DLGAP2: variants seen among roughly 807,000 people sequenced by gnomAD.
The protein encoded by DLGAP2 is DLG associated protein 2, also known as disks large-associated protein 2.
A neutral mutation model predicts 100.3 loss-of-function variants in DLGAP2; 26 were observed. The observed-to-expected ratio is 0.26, with a 90% CI of 0.19 to 0.36. DLGAP2 has a LOEUF of 0.36. DLGAP2 is among the 10% of genes least tolerant of loss of function. The pLI, the probability that DLGAP2 is intolerant of heterozygous loss-of-function variation, is 1.00. For synonymous variants in DLGAP2, 886 were observed against 630.1 expected, an observed-to-expected ratio of 1.41 and a Z score of -6.08; for missense variants, 1,858 against 1,453.2, an observed-to-expected ratio of 1.28 and a Z score of -4.53.
Position 1,007,546 on chromosome 8 carries a change from G to A in DLGAP2, c.73+99580G>A, listed in dbSNP as rs368149219. Among the ~76,000 whole-genome samples, 4 of 150,860 alleles carry A rather than the reference G, an allele frequency of 2.7e-5. No individual in the cohort carries two copies. The East Asian group carries it at 6.0e-4, about 23-fold the overall frequency. ...GGCAAGGCCAGCGGATGTACACGAA[G>A]CCATGTGGCCATAGTCTGGCATGCT... On this transcript the variant is annotated intron_variant, in intron 2 of 14. Transcript: ENST00000637795.
chr8:1,128,353 A>ACCTGCTCCCGGTGTTGTGTTCTGTGAGGG (rs1301119432), intron 2 of DLGAP2, among the ~76,000 whole-genome samples: 1 of 151,642 alleles, frequency 6.6e-6, no homozygotes, highest in Non-Finnish European at 1.5e-5. Flanking sequence ...TTCCGTGAGG[A>ACCTGCTCCCGGTGTTGTGTTCTGTGAGGG]CCTGCTCCCG....
At chr8:1,353,962 G>A (rs1216092701) in intron 3 of DLGAP2, among the ~76,000 whole-genome samples, 1 of 152,220 alleles carries the variant, frequency 6.6e-6, no homozygotes, top group East Asian at 1.9e-4. Flanking sequence ...TAGCTATGAA[G>A]TAAGTGGACG....
At chr8:1,202,986 T>A (rs1797912092) in intron 2 of DLGAP2, among the ~76,000 whole-genome samples, 1 of 151,966 alleles carries the variant, frequency 6.6e-6, no homozygotes, top group Admixed American at 6.6e-5. Flanking sequence ...TGTACTCCGG[T>A]GATTGCAGAG....
intron 14 of DLGAP2, among the ~76,000 whole-genome samples, chr8:1,698,756 G>A (rs1799482516): frequency 6.6e-6 from 1 of 151,502 alleles, no homozygotes; most frequent in African/African-American, 2.4e-5. Flanking sequence ...GACTAGACAA[G>A]TCCAAGTAAG....
chr8:744,524 C>A (rs945877775), intron 1 of DLGAP2, among the ~76,000 whole-genome samples: 1 of 146,504 alleles, frequency 6.8e-6, no homozygotes, highest in Non-Finnish European at 1.5e-5. Flanking sequence ...GCCGTCTGCT[C>A]CCCACGGTCA....
chr8:1,182,435 G>A (rs562125862), intron 2 of DLGAP2, among the ~76,000 whole-genome samples: 3 of 152,330 alleles, frequency 2.0e-5, no homozygotes, highest in South Asian at 4.1e-4. Context: ...ATGCTCACAC[G>A]TGTGATGTCT....
At chr8:751,525 T>C (rs1249927171) in intron 1 of DLGAP2, among the ~76,000 whole-genome samples, 2 of 152,234 alleles carry the variant, frequency 1.3e-5, no homozygotes, top group African/African-American at 2.4e-5. Context: ...GAAAAACTTG[T>C]CTCTGAGTTT....
intron 4 of DLGAP2, among the ~76,000 whole-genome samples, chr8:1,542,951 C>A (rs1011935543): frequency 1.3e-5 from 2 of 152,166 alleles, no homozygotes; most frequent in African/African-American, 4.8e-5. Context: ...ATTTCATTTC[C>A]CTACTGGTGA....
At position 1,088,976 on chromosome 8, in the gene DLGAP2, A is replaced by G. The variant is rs369540755; in HGVS notation, c.74-169875A>G. Among the ~76,000 whole-genome samples the G allele has an allele frequency of 2.3e-4, 24 of 103,714 alleles. 1 individual carries two copies. The highest frequency in any genetic ancestry group is 1.0e-3 in the East Asian group (3 of 2,904). 68.0% of individuals were successfully genotyped at this position (103,714 alleles called of 152,430 possible). The stretch of plus-strand genomic sequence containing the variant: ...CCCGGCCTCACTCTCTCCACCCCTC[A>G]TCCAGCAGGCTATGCCATTCTCGCT... On this transcript the variant is annotated intron_variant, in intron 2 of 14. Transcript: ENST00000637795.
At chr8:1,501,165 A>G (rs985283741) in intron 3 of DLGAP2, among the ~76,000 whole-genome samples, 5 of 152,202 alleles carry the variant, frequency 3.3e-5, no homozygotes, top group African/African-American at 9.6e-5. Context: ...TGTGGTCACA[A>G]TGCTGCTTTA....
intron 2 of DLGAP2, among the ~76,000 whole-genome samples, chr8:1,146,130 C>A (rs1245198190): frequency 1.3e-5 from 2 of 152,180 alleles, no homozygotes; most frequent in African/African-American, 4.8e-5. Flanking sequence ...GGGCGCCTGC[C>A]ACACATCTCT....
intron 2 of DLGAP2, among the ~76,000 whole-genome samples, chr8:967,628 G>A (rs1055486682): frequency 1.3e-5 from 2 of 150,214 alleles, no homozygotes; most frequent in African/African-American, 4.9e-5. Flanking sequence ...GACTTAAATT[G>A]TGGATTTTTT....
At chr8:776,489 G>C (rs905755971) in intron 1 of DLGAP2, among the ~76,000 whole-genome samples, 1 of 152,144 alleles carries the variant, frequency 6.6e-6, no homozygotes, top group Non-Finnish European at 1.5e-5. Context: ...TGGGCATTTA[G>C]TGCTATAAAT....
intron 3 of DLGAP2, among the ~76,000 whole-genome samples, chr8:1,416,717 C>G (rs1796895712): frequency 6.6e-6 from 1 of 152,114 alleles, no homozygotes; most frequent in Admixed American, 6.5e-5. Flanking sequence ...AACAAGGAAT[C>G]AAAAACCAGG....
chr8:1,603,169 G>C (rs572393178), intron 6 of DLGAP2, among the ~76,000 whole-genome samples: 11 of 151,544 alleles, frequency 7.3e-5, no homozygotes, highest in African/African-American at 2.4e-4. Context: ...CAGTTCTACA[G>C]AGGCTGGTTA....
intron 8 of DLGAP2, among the ~76,000 whole-genome samples, chr8:1,662,866 G>C (rs1376575431): frequency 6.6e-6 from 1 of 150,412 alleles, no homozygotes; most frequent in Non-Finnish European, 1.5e-5. Flanking sequence ...ACACGTGTGA[G>C]TGTGGGGTGT....
chr8:1,315,834 G>T (rs1426966221), intron 3 of DLGAP2, among the ~76,000 whole-genome samples: 23 of 82,928 alleles, frequency 2.8e-4, no homozygotes, highest in African/African-American at 3.5e-4. Flanking sequence ...ACTCGGCAGC[G>T]TTTAAAAATA....
Position 1,235,738 on chromosome 8 carries a change from A to G in DLGAP2, c.74-23113A>G, listed in dbSNP as rs1410262105. On this transcript the variant is annotated intron_variant, in intron 2 of 14. Transcript: ENST00000637795. ...GTATCTAGTTCTCTCACATGGTGCC[A>G]TATCTAGTTCTCTCTCACGCATAGC... is the stretch of plus-strand genomic sequence containing the variant. Among the ~76,000 whole-genome samples, 4 of 17,354 alleles carry G rather than the reference A, an allele frequency of 2.3e-4. 1 individual carries two copies. Among genetic ancestry groups the G allele is most frequent in the African/African-American group, 7.9e-4 (2 of 2,536 alleles). 11.4% of individuals were successfully genotyped at this position (17,354 alleles called of 152,430 possible).
At chr8:925,571 G>A (rs1328515782) in intron 2 of DLGAP2, among the ~76,000 whole-genome samples, 2 of 152,182 alleles carry the variant, frequency 1.3e-5, no homozygotes, top group Non-Finnish European at 2.9e-5. Flanking sequence ...CATTGTGGAC[G>A]GAGTAACCCT....
Sources: allele counts gnomAD v4.1 joint callset (sites outside exome capture counted in the v4.1 genomes callset), GRCh38; gene constraint gnomAD v4.1.1; transcripts MANE v1.5; gene names NCBI Gene and HGNC (gene_info 2026-07-23, HGNC 2026-07-21).